TGM7: variants seen among roughly 807,000 people sequenced by gnomAD.
TGM7 encodes the protein protein-glutamine gamma-glutamyltransferase Z.
TGM7 carries 74 observed loss-of-function variants against 79.5 expected under a neutral mutation model. The observed-to-expected ratio is 0.93, with a 90% confidence interval of 0.77 to 1.13. The LOEUF is 1.13. Ranked by LOEUF, TGM7 falls within the 50% of genes most tolerant of loss-of-function variation. The pLI is 0.00. For missense variants in TGM7, 912 were observed against 905.9 expected, an observed-to-expected ratio of 1.01 and a Z score of -0.09; for synonymous variants, 354 against 362.5, an observed-to-expected ratio of 0.98 and a Z score of 0.27.
At chr15:43,287,800 TAA>T in intron 4 of TGM7, 131 bp from the exon 5 acceptor site, 10 of 1,022,566 alleles carry the variant, frequency 9.8e-6, no homozygotes, top group Non-Finnish European at 1.1e-5. Flanking sequence ...GCGCTAAATA[TAA>T]GACAAGTTCC....
intron 1 of TGM7, among the ~76,000 whole-genome samples, chr15:43,300,814 T>C (rs944536334): frequency 6.6e-6 from 1 of 152,066 alleles, no homozygotes; most frequent in African/African-American, 2.4e-5. Context: ...CAAAAATATA[T>C]GTGTATATAT....
At position 43,280,277 on chromosome 15, in the gene TGM7, G is replaced by A. The variant is rs1011809788; in HGVS notation, c.1352-326C>T. On this transcript the variant is annotated intron_variant, in intron 9 of 12. Coordinates refer to ENST00000452443, the MANE Select transcript of TGM7 (RefSeq NM_052955.3). Reference sequence around the variant, plus strand: ...CTATCATCATCATCATGAAGCCAGAGGCTTCTCTCCCCTACCAGCATCCCT... The same window carrying A: ...CTATCATCATCATCATGAAGCCAGAAGCTTCTCTCCCCTACCAGCATCCCT... Among the ~76,000 whole-genome samples the A allele has an allele frequency of 3.9e-5, 6 of 152,230 alleles. No individual in the cohort carries two copies. In the East Asian group the frequency reaches 1.2e-3, roughly 29 times the overall value.
intron 9 of TGM7, among the ~76,000 whole-genome samples, chr15:43,280,573 A>AGATTGCG (rs1431399401): frequency 6.6e-6 from 1 of 152,070 alleles, no homozygotes; most frequent in African/African-American, 2.4e-5. Context: ...CAGTGAGCCG[A>AGATTGCG]GATTGCGCCA....
intron 9 of TGM7, among the ~76,000 whole-genome samples, chr15:43,281,273 G>A (rs2042907203): frequency 6.6e-6 from 1 of 152,238 alleles, no homozygotes; most frequent in South Asian, 2.1e-4. Context: ...GCCCTGTTCA[G>A]TACTCAGGCA....
intron 1 of TGM7, among the ~76,000 whole-genome samples, chr15:43,295,803 T>A (rs542987678): frequency 1.1e-4 from 17 of 152,354 alleles, no homozygotes; most frequent in Admixed American, 9.8e-4. Context: ...AACAATCTTT[T>A]GTAAGGTAGA....
intron 4 of TGM7, among the ~76,000 whole-genome samples, chr15:43,288,962 G>A (rs986317740): frequency 6.6e-6 from 1 of 152,024 alleles, no homozygotes; most frequent in Non-Finnish European, 1.5e-5. Context: ...GTGGGGAGTG[G>A]GGATGGAGGC....
At chr15:43,299,847 T>A (rs916319619) in intron 1 of TGM7, among the ~76,000 whole-genome samples, 1 of 152,240 alleles carries the variant, frequency 6.6e-6, no homozygotes, top group African/African-American at 2.4e-5. Flanking sequence ...ATGAAGAGAT[T>A]CCTATAGGAG....
chr15:43,302,166 C>T (rs2043028346), intron 1 of TGM7, 75 bp downstream of exon 1: 1 of 1,579,296 alleles, frequency 6.3e-7, no homozygotes. Context: ...TTCCCTACAT[C>T]CTCTACCCTC....
chr15:43,297,130 A>T (rs2042999770), intron 1 of TGM7, among the ~76,000 whole-genome samples: 1 of 152,178 alleles, frequency 6.6e-6, no homozygotes, highest in South Asian at 2.1e-4. Context: ...AAAAGGATCA[A>T]ATATATCCTG....
chr15:43,295,688 C>T (rs2042988760), intron 1 of TGM7, among the ~76,000 whole-genome samples: 1 of 152,216 alleles, frequency 6.6e-6, no homozygotes, highest in Non-Finnish European at 1.5e-5. Context: ...TGTTAATTTC[C>T]TTCACAATCT....
At chr15:43,299,514 G>T (rs1368503541) in intron 1 of TGM7, among the ~76,000 whole-genome samples, 1 of 152,182 alleles carries the variant, frequency 6.6e-6, no homozygotes, top group Non-Finnish European at 1.5e-5. Context: ...GAAAAATGGG[G>T]TCGGTTAAAG....
intron 1 of TGM7, 38 bp from the exon 2 acceptor site, chr15:43,293,669 G>C (rs759988016): frequency 6.5e-7 from 1 of 1,541,952 alleles, no homozygotes; most frequent in Non-Finnish European, 8.7e-7. Flanking sequence ...CCCACCTGCA[G>C]TCCCCTGGGC....
chr15:43,294,494 T>C (rs1455666413), intron 1 of TGM7, among the ~76,000 whole-genome samples: 1 of 152,268 alleles, frequency 6.6e-6, no homozygotes, highest in Non-Finnish European at 1.5e-5. Context: ...ATAGGGTTCA[T>C]GTGGGCGTTA....
At chr15:43,292,124 GC>G (rs2042966641) in intron 3 of TGM7, 27 bp from the exon 4 acceptor site, 3 of 1,533,274 alleles carry the variant, frequency 2.0e-6, no homozygotes. Context: ...AGTGGAGGGG[GC>G]AAAACCCCAA....
In TGM7 at chr15:43,284,864, G is replaced by C; in HGVS notation, c.954C>G (p.Tyr318Ter). The C allele has an allele frequency of 6.2e-7, 1 of 1,614,176 alleles. No individual in the cohort carries two copies. The highest frequency in any genetic ancestry group is 8.5e-7 in the Non-Finnish European group (1 of 1,180,022). ...NVDRNLTIDT[Y>*]YDRNAEMLST... is the part of the protein sequence containing the mutation. ...ACAGCATCTCGGCATTTCGGTCATA[G>C]TACGTATCGATGGTCAAGTTCCTAT... is the stretch of plus-strand genomic sequence containing the variant. The change falls in exon 7 of 13, where the codon TAC becomes TAG. Residue 318 changes from tyrosine (Y) to a stop codon, truncating the protein, a stop_gained. Coordinates refer to ENST00000452443, the MANE Select transcript of TGM7 (RefSeq NM_052955.3). LOFTEE classifies it high-confidence loss of function.
At chr15:43,291,899 T>C (rs1266332806) in intron 4 of TGM7, 80 bp downstream of exon 4, 6 of 1,049,548 alleles carry the variant, frequency 5.7e-6, no homozygotes, top group East Asian at 4.8e-5. Flanking sequence ...CTGTGTAATA[T>C]AACAGCCTTA....
At chr15:43,298,513 T>C (rs2043011123) in intron 1 of TGM7, among the ~76,000 whole-genome samples, 1 of 152,148 alleles carries the variant, frequency 6.6e-6, no homozygotes, top group Non-Finnish European at 1.5e-5. Flanking sequence ...TCCCAGCACT[T>C]TGGGAGGCCG....
At chr15:43,294,195 T>C (rs1295416448) in intron 1 of TGM7, among the ~76,000 whole-genome samples, 2 of 152,196 alleles carry the variant, frequency 1.3e-5, no homozygotes, top group African/African-American at 4.8e-5. Flanking sequence ...ACTTCAGCCA[T>C]AGGGCAAGTC....
chr15:43,289,565 T>C (rs1596462989), intron 4 of TGM7, among the ~76,000 whole-genome samples: 1 of 152,272 alleles, frequency 6.6e-6, no homozygotes, highest in African/African-American at 2.4e-5. Flanking sequence ...TTATAATCCT[T>C]TGGGTATTTA....
Sources: allele counts gnomAD v4.1 joint callset (sites outside exome capture counted in the v4.1 genomes callset), GRCh38; gene constraint gnomAD v4.1.1; transcripts MANE v1.5; gene names NCBI Gene and HGNC (gene_info 2026-07-23, HGNC 2026-07-21).